Variants in PRKD1 observed in about 807,000 individuals in gnomAD.
PRKD1 encodes the protein serine/threonine-protein kinase D1.
In PRKD1, 63 loss-of-function variants were observed where a neutral mutation model predicts 95.9. The observed-to-expected ratio is 0.66, with a 90% CI of 0.54 to 0.81. The LOEUF (loss-of-function observed/expected upper bound fraction) is 0.81, where lower values mean the gene tolerates loss of function less well. Ranked by LOEUF, PRKD1 falls within the 30% of genes least tolerant of loss-of-function variation. The pLI is 0.00. For synonymous variants in PRKD1, 425 were observed against 423.1 expected (o/e 1.00, Z -0.05); for missense variants, 1,048 against 1,165.3 (o/e 0.90, Z 1.47).
At chr14:29,801,687 G>A (rs185731611) in intron 1 of PRKD1, among the ~76,000 whole-genome samples, 1 of 151,934 alleles carries the variant, frequency 6.6e-6, no homozygotes, top group Non-Finnish European at 1.5e-5. Context: ...TGCTATTAGG[G>A]TCTACGTGTT....
At chr14:29,707,338 T>C (rs936621011) in intron 2 of PRKD1, among the ~76,000 whole-genome samples, 1 of 152,152 alleles carries the variant, frequency 6.6e-6, no homozygotes, top group African/African-American at 2.4e-5. Flanking sequence ...AATATGGTAC[T>C]TGAACTAGCA....
At chr14:29,894,332 T>C (rs1309941431) in intron 1 of PRKD1, among the ~76,000 whole-genome samples, 1 of 152,232 alleles carries the variant, frequency 6.6e-6, no homozygotes, top group Non-Finnish European at 1.5e-5. Context: ...CTTGCAATGA[T>C]TGTCCATGTC....
intron 1 of PRKD1, among the ~76,000 whole-genome samples, chr14:29,772,983 A>T (rs1339998268): frequency 6.6e-6 from 1 of 152,138 alleles, no homozygotes; most frequent in Non-Finnish European, 1.5e-5. Flanking sequence ...TGTTTTAATA[A>T]TTTTAATTTT....
At chr14:29,855,002 C>T (rs1427904025) in intron 1 of PRKD1, among the ~76,000 whole-genome samples, 6 of 152,326 alleles carry the variant, frequency 3.9e-5, no homozygotes, top group East Asian at 3.9e-4. Context: ...TGTATAAAGA[C>T]GCCTGGATGC....
Position 29,663,682 on chromosome 14 carries a change from TA to T in PRKD1, c.696+16del. On this transcript the variant is annotated intron_variant, in intron 4 of 17. Coordinates refer to ENST00000331968, the MANE Select transcript of PRKD1 (RefSeq NM_002742.3). ...TTTCTCATGTAAATGGGGAAGTGGG[TA>T]AACAGGAAGCCATACCAGAAGGGGC... The T allele has an allele frequency of 6.2e-7, 1 of 1,611,090 alleles. No individual in the cohort carries two copies.
intron 4 of PRKD1, among the ~76,000 whole-genome samples, chr14:29,639,420 G>C (rs1192547439): frequency 6.6e-6 from 1 of 152,078 alleles, no homozygotes; most frequent in Non-Finnish European, 1.5e-5. Flanking sequence ...AGGAGTTCAA[G>C]ACCAGCCTGG....
chr14:29,769,768 T>C (rs1594501063), intron 1 of PRKD1, among the ~76,000 whole-genome samples: 1 of 152,222 alleles, frequency 6.6e-6, no homozygotes, highest in Non-Finnish European at 1.5e-5. Context: ...TATAAACTCA[T>C]ATGTATGAAC....
intron 1 of PRKD1, among the ~76,000 whole-genome samples, chr14:29,877,745 T>C (rs534521361): frequency 2.6e-5 from 4 of 152,322 alleles, no homozygotes; most frequent in African/African-American, 7.2e-5. Flanking sequence ...GGATGGCACT[T>C]CCTTAAAGAG....
intron 1 of PRKD1, among the ~76,000 whole-genome samples, chr14:29,785,143 C>G (rs1183132684): frequency 6.6e-6 from 1 of 152,154 alleles, no homozygotes; most frequent in Non-Finnish European, 1.5e-5. Flanking sequence ...AATAATATGT[C>G]TATTTTGTGA....
intron 1 of PRKD1, among the ~76,000 whole-genome samples, chr14:29,834,807 A>G (rs1891548214): frequency 2.0e-5 from 3 of 152,094 alleles, no homozygotes; most frequent in East Asian, 3.9e-4. Flanking sequence ...TATTATTCCC[A>G]TCTTAGAAAG....
chr14:29,656,080 A>G (rs993732854), intron 4 of PRKD1, among the ~76,000 whole-genome samples: 27 of 152,262 alleles, frequency 1.8e-4, no homozygotes, highest in African/African-American at 6.5e-4. Context: ...TCCAATGTGC[A>G]TAAGATTCAT....
chr14:29,682,524 A>G lies in PRKD1; in HGVS notation c.404-16316T>C, dbSNP rs185711078. Among the ~76,000 whole-genome samples, 639 of 152,280 alleles carry G rather than the reference A, an allele frequency of 4.2e-3. 3 individuals carry two copies. Among genetic ancestry groups the G allele is most frequent in the Non-Finnish European group, 7.3e-3 (499 of 68,030 alleles). On this transcript the variant is annotated intron_variant, in intron 2 of 17. Transcript: ENST00000331968. ...ACCTTCCCCGAATCCCACTTCATCA[A>G]TATCCCTTCCTTGCTTTATTAAATG...
chr14:29,838,012 T>C (rs1370725471), intron 1 of PRKD1, among the ~76,000 whole-genome samples: 1 of 152,206 alleles, frequency 6.6e-6, no homozygotes, highest in East Asian at 1.9e-4. Flanking sequence ...GGAAACTATC[T>C]GGATTTCTCA....
chr14:29,827,557 A>G (rs553306529), intron 1 of PRKD1, among the ~76,000 whole-genome samples: 2 of 152,288 alleles, frequency 1.3e-5, no homozygotes, highest in East Asian at 1.9e-4. Context: ...TAACAAAGTG[A>G]TATGACTGGA....
intron 1 of PRKD1, among the ~76,000 whole-genome samples, chr14:29,733,910 A>C (rs1594469423): frequency 6.6e-6 from 1 of 150,554 alleles, no homozygotes; most frequent in East Asian, 1.9e-4. Context: ...TCTCCTAAGT[A>C]TGTTCATGTT....
At chr14:29,854,888 G>A (rs1215242207) in intron 1 of PRKD1, among the ~76,000 whole-genome samples, 1 of 152,242 alleles carries the variant, frequency 6.6e-6, no homozygotes, top group Non-Finnish European at 1.5e-5. Flanking sequence ...TGGCTTCAGA[G>A]GGTTGAAGCC....
At chr14:29,711,729 T>A (rs1885343791) in intron 2 of PRKD1, among the ~76,000 whole-genome samples, 1 of 152,132 alleles carries the variant, frequency 6.6e-6, no homozygotes, top group Non-Finnish European at 1.5e-5. Flanking sequence ...CAGCTTACAG[T>A]CCTTGTTCTT....
chr14:29,671,078 A>G (rs1233922261), intron 2 of PRKD1, among the ~76,000 whole-genome samples: 1 of 144,496 alleles, frequency 6.9e-6, no homozygotes, highest in African/African-American at 2.8e-5. Flanking sequence ...CCAAGAGAGA[A>G]AAAAAAATGT....
intron 1 of PRKD1, among the ~76,000 whole-genome samples, chr14:29,759,983 C>T (rs530798556): frequency 1.3e-5 from 2 of 152,212 alleles, no homozygotes; most frequent in South Asian, 2.1e-4. Context: ...CCAGCCATAC[C>T]GTTGACTATA....
Sources: allele counts gnomAD v4.1 joint callset (sites outside exome capture counted in the v4.1 genomes callset), GRCh38; gene constraint gnomAD v4.1.1; transcripts MANE v1.5; gene names NCBI Gene and HGNC (gene_info 2026-07-23, HGNC 2026-07-21).